RBFOX1: variants seen among roughly 807,000 people sequenced by gnomAD.
RBFOX1 encodes RNA binding fox-1 homolog 1.
A neutral mutation model predicts 57.7 loss-of-function variants in RBFOX1; 8 were observed. The ratio of observed to expected loss-of-function variants is 0.14; its 90% CI spans 0.08 to 0.25. The LOEUF (loss-of-function observed/expected upper bound fraction) is 0.25. Ranked by LOEUF, RBFOX1 falls within the 10% of genes least tolerant of loss-of-function variation. The probability of loss-of-function intolerance (pLI) is 1.00; values close to 1 mark genes in which losing one functional copy is unlikely to be tolerated. For synonymous variants in RBFOX1, 326 were observed against 222.4 expected (o/e 1.47, Z -4.15); for missense variants, 611 against 548.5 (o/e 1.11, Z -1.14).
intron 3 of RBFOX1, among the ~76,000 whole-genome samples, chr16:5,664,737 C>A (rs17138300): frequency 0.03 from 4,598 of 152,260 alleles, 193 homozygotes; most frequent in East Asian, 0.18. Context: ...TCTTGGTCCA[C>A]ACGGTCCTAA....
At chr16:6,132,167 G>A (rs1367883373) in intron 1 of RBFOX1, among the ~76,000 whole-genome samples, 1 of 152,196 alleles carries the variant, frequency 6.6e-6, no homozygotes, top group Non-Finnish European at 1.5e-5. Flanking sequence ...TTTTCCCCAT[G>A]GGTGGTATGT....
At position 6,004,588 on chromosome 16, in the gene RBFOX1, A is replaced by G. The variant is rs900262312; in HGVS notation, c.351+137253A>G. Among the ~76,000 whole-genome samples the G allele has an allele frequency of 3.9e-5, 6 of 152,288 alleles. 1 individual carries two copies. The South Asian group carries it at 1.0e-3, about 26-fold the overall frequency. Reference sequence around the variant, plus strand: ...TAAACACAGATTTCTGCAGCTTCTTATATGCTATTCATTTAACATGCACTC... The same window carrying G: ...TAAACACAGATTTCTGCAGCTTCTTGTATGCTATTCATTTAACATGCACTC... On this transcript the variant is annotated intron_variant, in intron 4 of 19. Transcript: ENST00000641259.
At chr16:7,395,170 T>C (rs2148597652) in intron 4 of RBFOX1, among the ~76,000 whole-genome samples, 1 of 152,152 alleles carries the variant, frequency 6.6e-6, no homozygotes, top group Admixed American at 6.5e-5. Context: ...GATTTTTTTT[T>C]TTTTTCCCTG....
At position 5,697,532 on chromosome 16, in the gene RBFOX1, A is replaced by ATTT. The variant is rs374138178; in HGVS notation, c.318+98573_318+98574insTTT. On this transcript the variant is annotated intron_variant, in intron 3 of 19. Transcript: ENST00000641259. ...GTTGTGGGCTTTTCTTTTCTTTTCT[A>ATTT]TTCTTTTTTTTTTTTTTTTGAGATA... Among the ~76,000 whole-genome samples, 57 of 133,936 alleles carry ATTT rather than the reference A, an allele frequency of 4.3e-4. 7 individuals are homozygous for ATTT. The highest frequency in any genetic ancestry group is 5.6e-4 in the African/African-American group (21 of 37,416). 87.9% of individuals were successfully genotyped at this position (133,936 alleles called of 152,430 possible).
intron 4 of RBFOX1, among the ~76,000 whole-genome samples, chr16:7,441,491 TA>T (rs1567183561): frequency 6.6e-6 from 1 of 152,280 alleles, no homozygotes; most frequent in East Asian, 1.9e-4. Flanking sequence ...TGGGTAGTGG[TA>T]AAAACTAAAA....
chr16:6,478,623 G>A (rs1219511743), intron 2 of RBFOX1, among the ~76,000 whole-genome samples: 1 of 151,144 alleles, frequency 6.6e-6, no homozygotes, highest in East Asian at 2.0e-4. Context: ...TAAAGTGAGA[G>A]GTGTGTGGCT....
chr16:7,504,404 A>G (rs1001043734), intron 4 of RBFOX1, among the ~76,000 whole-genome samples: 1 of 151,892 alleles, frequency 6.6e-6, no homozygotes, highest in African/African-American at 2.4e-5. Context: ...TGGCAGGAAC[A>G]TGGTCTTGTG....
chr16:5,976,675 C>A (rs548351378), intron 4 of RBFOX1, among the ~76,000 whole-genome samples: 1 of 152,276 alleles, frequency 6.6e-6, no homozygotes, highest in African/African-American at 2.4e-5. Context: ...TCGAGACCAG[C>A]CTGGCCAATA....
At chr16:5,401,764 T>TCTCCTCCTC (rs71142618) in intron 1 of RBFOX1, among the ~76,000 whole-genome samples, 14,014 of 103,258 alleles carry the variant, frequency 0.14, 771 homozygotes, top group Non-Finnish European at 0.17. Context: ...TCCCTGTCTC[T>TCTCCTCCTC]CTCCTCCTCC....
intron 10 of RBFOX1, among the ~76,000 whole-genome samples, chr16:7,619,715 C>T (rs1331733898): frequency 1.3e-5 from 2 of 152,182 alleles, no homozygotes; most frequent in Non-Finnish European, 2.9e-5. Context: ...CTTCTAGGTT[C>T]TTTGCACAGA....
At chr16:5,822,405 C>T (rs1410023406) in intron 3 of RBFOX1, among the ~76,000 whole-genome samples, 1 of 152,070 alleles carries the variant, frequency 6.6e-6, no homozygotes, top group Non-Finnish European at 1.5e-5. Context: ...TAACCAAATA[C>T]CACCTGTACC....
intron 3 of RBFOX1, among the ~76,000 whole-genome samples, chr16:6,882,569 C>T (rs1341100282): frequency 6.6e-6 from 1 of 151,998 alleles, no homozygotes; most frequent in East Asian, 1.9e-4. Context: ...GCACTGCAGC[C>T]TCGGTGGCAG....
At chr16:5,339,317 A>C (rs548006260) in intron 1 of RBFOX1, among the ~76,000 whole-genome samples, 1 of 152,042 alleles carries the variant, frequency 6.6e-6, no homozygotes, top group Non-Finnish European at 1.5e-5. Context: ...GTACTGTTAT[A>C]GTAACATGCT....
chr16:7,563,556 C>T (rs1323050128), intron 5 of RBFOX1, among the ~76,000 whole-genome samples: 2 of 152,326 alleles, frequency 1.3e-5, no homozygotes, highest in Non-Finnish European at 2.9e-5. Context: ...CAACCTCTGC[C>T]TCCCGGGTTC....
intron 2 of RBFOX1, among the ~76,000 whole-genome samples, chr16:6,411,245 G>A (rs543134120): frequency 6.6e-6 from 1 of 152,260 alleles, no homozygotes; most frequent in Non-Finnish European, 1.5e-5. Flanking sequence ...ACCTCCCAAA[G>A]CATTGGCATT....
intron 5 of RBFOX1, among the ~76,000 whole-genome samples, chr16:7,525,769 A>G (rs766603129): frequency 3.3e-5 from 5 of 152,140 alleles, no homozygotes; most frequent in Non-Finnish European, 7.3e-5. Context: ...TTTGGTCGCC[A>G]TCTTGTTTTG....
intron 2 of RBFOX1, among the ~76,000 whole-genome samples, chr16:5,511,438 G>T (rs777482155): frequency 6.6e-6 from 1 of 151,908 alleles, no homozygotes; most frequent in African/African-American, 2.4e-5. Flanking sequence ...GTCCTTTGTC[G>T]ATAAGTCAAG....
chr16:5,500,573 T>C (rs1260054879), intron 2 of RBFOX1, among the ~76,000 whole-genome samples: 2 of 152,154 alleles, frequency 1.3e-5, no homozygotes, highest in Admixed American at 6.5e-5. Flanking sequence ...TACTTCATGC[T>C]CTTTCTGTCT....
chr16:7,450,255 A>T (rs541779120), intron 4 of RBFOX1, among the ~76,000 whole-genome samples: 1 of 151,968 alleles, frequency 6.6e-6, no homozygotes, highest in African/African-American at 2.4e-5. Flanking sequence ...TTAGCTGGGC[A>T]TGGTGACATA....
Sources: gnomAD v4.1 joint callset for allele counts (sites outside exome capture counted in the v4.1 genomes callset) on GRCh38, gnomAD v4.1.1 for gene constraint, MANE v1.5 for transcripts, NCBI Gene and HGNC (gene_info 2026-07-23, HGNC 2026-07-21) for gene names.